Variants in MICAL2 observed in about 807,000 individuals in gnomAD.
MICAL2 encodes microtubule associated monooxygenase, calponin and LIM domain containing 2, also known as [F-actin]-monooxygenase MICAL2.
Under a neutral mutation model 127.3 loss-of-function variants are expected in MICAL2, and 77 were observed. That is an observed-to-expected ratio of 0.60 (90% CI 0.50 to 0.73). MICAL2 has a LOEUF of 0.73. Among genes scored for constraint, MICAL2 ranks in the 30% least tolerant of loss-of-function variants. The pLI is 0.00. For missense variants in MICAL2, 1,351 were observed against 1,434.4 expected, an observed-to-expected ratio of 0.94 and a Z score of 0.94; for synonymous variants, 570 against 551.1, an observed-to-expected ratio of 1.03 and a Z score of -0.48.
intron 29 of MICAL2, among the ~76,000 whole-genome samples, chr11:12,318,885 A>G (rs1864260348): frequency 6.6e-6 from 1 of 152,152 alleles, no homozygotes; most frequent in South Asian, 2.1e-4. Flanking sequence ...TGCTGCCTCT[A>G]ACCATCTACC....
chr11:12,296,943 C>T (rs1399420572), downstream of MICAL2, among the ~76,000 whole-genome samples: 1 of 150,856 alleles, frequency 6.6e-6, no homozygotes, highest in African/African-American at 2.4e-5. Flanking sequence ...TTGATGTAGC[C>T]AGCCCCCTAT....
chr11:12,260,689 A>G (rs2134704675), intron 26 of MICAL2: 1 of 985,672 alleles, frequency 1.0e-6, no homozygotes, highest in African/African-American at 1.7e-5. Context: ...ACGAAAGCAT[A>G]ATTATTTTAG....
intron 32 of MICAL2, among the ~76,000 whole-genome samples, chr11:12,338,026 G>A (rs953210669): frequency 5.9e-5 from 9 of 152,084 alleles, no homozygotes; most frequent in Non-Finnish European, 7.4e-5. Flanking sequence ...TTTCTGTCTC[G>A]TTGATCTGTC....
At chr11:12,124,714 G>A (rs1190956509) in intron 1 of MICAL2, among the ~76,000 whole-genome samples, 1 of 152,128 alleles carries the variant, frequency 6.6e-6, no homozygotes, top group Non-Finnish European at 1.5e-5. Flanking sequence ...TCCAGTGTTG[G>A]TTCTTTGCTC....
chr11:12,272,419 C>T (rs547076880), upstream of MICAL2, among the ~76,000 whole-genome samples: 11 of 152,210 alleles, frequency 7.2e-5, no homozygotes, highest in South Asian at 2.3e-3. Flanking sequence ...CCTTATCTCC[C>T]TTGTGAGACA....
chr11:12,360,319 G>A (rs1939188806), downstream of MICAL2, among the ~76,000 whole-genome samples: 2 of 152,134 alleles, frequency 1.3e-5, no homozygotes, highest in South Asian at 4.2e-4. Context: ...ATTTGGAGAA[G>A]ACCTATTAGC....
chr11:12,317,331 C>A (rs1864243203), intron 29 of MICAL2, among the ~76,000 whole-genome samples: 1 of 152,184 alleles, frequency 6.6e-6, no homozygotes, highest in Non-Finnish European at 1.5e-5. Context: ...TCTGTTCTTG[C>A]CTTTATCACA....
At chr11:12,171,103 G>A (rs1168510421) in intron 3 of MICAL2, among the ~76,000 whole-genome samples, 1 of 152,202 alleles carries the variant, frequency 6.6e-6, no homozygotes, top group Non-Finnish European at 1.5e-5. Flanking sequence ...CCTGCAGGGT[G>A]GGGATGGTGG....
At chr11:12,180,434 G>T (rs190366176) in intron 3 of MICAL2, among the ~76,000 whole-genome samples, 1 of 151,914 alleles carries the variant, frequency 6.6e-6, no homozygotes, top group African/African-American at 2.4e-5. Flanking sequence ...ACAGGTGTGG[G>T]TGACACTGAT....
intron 32 of MICAL2, among the ~76,000 whole-genome samples, chr11:12,327,689 A>G (rs1864370079): frequency 6.6e-6 from 1 of 151,032 alleles, no homozygotes; most frequent in Non-Finnish European, 1.5e-5. Context: ...TACTACCTGT[A>G]CGACCTTGGG....
At chr11:12,333,073 T>C (rs1938678694) in intron 32 of MICAL2, among the ~76,000 whole-genome samples, 1 of 152,106 alleles carries the variant, frequency 6.6e-6, no homozygotes, top group African/African-American at 2.4e-5. Flanking sequence ...AACGTATTAA[T>C]GAGAGACTAA....
At chr11:12,133,474 A>T (rs1428815998) in intron 1 of MICAL2, among the ~76,000 whole-genome samples, 4 of 152,214 alleles carry the variant, frequency 2.6e-5, no homozygotes, top group African/African-American at 7.2e-5. Context: ...TAGGCATGGG[A>T]TACGGGAGTA....
intron 29 of MICAL2, among the ~76,000 whole-genome samples, chr11:12,318,978 C>T (rs1377488249): frequency 6.6e-6 from 1 of 152,174 alleles, no homozygotes; most frequent in Admixed American, 6.5e-5. Flanking sequence ...TCTTAAACTG[C>T]CTTTCCTGGC....
intron 5 of MICAL2, among the ~76,000 whole-genome samples, chr11:12,208,901 G>A (rs1855073198): frequency 6.6e-6 from 1 of 152,196 alleles, no homozygotes; most frequent in South Asian, 2.1e-4. Flanking sequence ...TTTAGGGGAG[G>A]CTTTAGTTAG....
At position 12,113,936 on chromosome 11, in the gene MICAL2, G is replaced by T. The variant is rs145088622; in HGVS notation, c.-149+3210G>T. Among the ~76,000 whole-genome samples, 703 of 152,266 alleles carry T rather than the reference G, an allele frequency of 4.6e-3. 2 individuals are homozygous for T. The highest frequency in any genetic ancestry group is 0.016 in the African/African-American group (657 of 41,536). On this transcript the variant is annotated intron_variant, in intron 1 of 27. Coordinates refer to ENST00000683283, the MANE Select transcript of MICAL2 (RefSeq NM_001282663.2). The stretch of plus-strand genomic sequence containing the variant: ...TATGAAATGGCATTTAAAACACTCA[G>T]AAACTTGGCAGATTTATTTTCTGGT...
chr11:12,219,882 G>A (rs1480470281), intron 8 of MICAL2, among the ~76,000 whole-genome samples: 1 of 152,144 alleles, frequency 6.6e-6, no homozygotes, highest in Non-Finnish European at 1.5e-5. Flanking sequence ...AGAATTTAAT[G>A]CCAGGGAAAA....
chr11:12,114,822 T>A (rs550641857), intron 1 of MICAL2, among the ~76,000 whole-genome samples: 4 of 152,350 alleles, frequency 2.6e-5, no homozygotes, highest in East Asian at 3.9e-4. Flanking sequence ...AACTATCTGC[T>A]GCTCCCCCTC....
intron 3 of MICAL2, among the ~76,000 whole-genome samples, chr11:12,168,200 C>T (rs1375986349): frequency 1.3e-5 from 2 of 149,704 alleles, no homozygotes; most frequent in South Asian, 2.1e-4. Flanking sequence ...CATACACATA[C>T]AGTTAGTCAC....
At position 12,236,659 on chromosome 11, in the gene MICAL2, C is replaced by T. The variant is rs1487154320; in HGVS notation, c.2064+414C>T. On this transcript the variant is annotated intron_variant, in intron 16 of 27. Transcript: ENST00000683283. The stretch of plus-strand genomic sequence containing the variant: ...TTTGTATCCATTTGTGTTTCCTTTG[C>T]TTTTAGCCTTTAAGGCATATGTCGT... 2.6e-5 allele frequency among the ~76,000 whole-genome samples: 4 copies of T among 152,318 alleles called. No homozygotes were observed. In the East Asian group the frequency reaches 7.7e-4, roughly 29 times the overall value.
Sources: gnomAD v4.1 joint callset for allele counts (sites outside exome capture counted in the v4.1 genomes callset) on GRCh38, gnomAD v4.1.1 for gene constraint, MANE v1.5 for transcripts, NCBI Gene and HGNC (gene_info 2026-07-23, HGNC 2026-07-21) for gene names.